The following BRWD1 variants were observed in gnomAD, a reference collection of about 807,000 sequenced individuals.
BRWD1 encodes bromodomain and WD repeat domain containing 1, also known as bromodomain and WD repeat-containing protein 1.
BRWD1 carries 82 observed loss-of-function variants against 251.2 expected under a neutral mutation model. The ratio of observed to expected loss-of-function variants is 0.33; its 90% confidence interval spans 0.27 to 0.39. The LOEUF (loss-of-function observed/expected upper bound fraction) is 0.39, where lower values mean the gene tolerates loss of function less well. BRWD1 is among the 10% of genes least tolerant of loss of function. The pLI is 1.00. For missense variants in BRWD1, 2,233 were observed against 2,711.6 expected, an observed-to-expected ratio of 0.82 and a Z score of 3.92; for synonymous variants, 918 against 902.8, an observed-to-expected ratio of 1.02 and a Z score of -0.30.
chr21:39,239,760 A>G (rs184647708), intron 21 of BRWD1, among the ~76,000 whole-genome samples: 187 of 152,340 alleles, frequency 1.2e-3, no homozygotes, highest in African/African-American at 4.2e-3. Context: ...GAATTTTTTA[A>G]CAAGGGTGTG....
At position 39,192,931 on chromosome 21, in the gene BRWD1, A is replaced by T; in HGVS notation, c.*3328T>A. ...GTAAATTGTTTTCTGATTCTTCTAC[A>T]AAAAAAAAAGTCTAGAAGACAGAGG... On this transcript the variant is annotated 3_prime_UTR_variant, in exon 41 of 41. Coordinates refer to ENST00000342449, the MANE Select transcript of BRWD1 (RefSeq NM_033656.4). 1.9e-5 allele frequency: 5 copies of T among 257,822 alleles called. No individual in the cohort carries two copies. The highest frequency in any genetic ancestry group is 2.2e-5 in the Non-Finnish European group (5 of 224,190). 16.0% of individuals were successfully genotyped at this position (257,822 alleles called of 1,614,324 possible).
intron 37 of BRWD1, among the ~76,000 whole-genome samples, chr21:39,203,800 T>G (rs2032243559): frequency 6.7e-6 from 1 of 150,204 alleles, no homozygotes; most frequent in Non-Finnish European, 1.5e-5. Context: ...AAGCAATAAT[T>G]GTCAAGGCTG....
intron 17 of BRWD1, among the ~76,000 whole-genome samples, chr21:39,259,712 C>G (rs894169213): frequency 5.9e-5 from 9 of 152,130 alleles, no homozygotes; most frequent in African/African-American, 2.2e-4. Flanking sequence ...TGGCGCACGC[C>G]TGTAGTCACA....
At chr21:39,282,055 T>C (rs1003938970) in intron 8 of BRWD1, among the ~76,000 whole-genome samples, 1 of 151,738 alleles carries the variant, frequency 6.6e-6, no homozygotes, top group Non-Finnish European at 1.5e-5. Context: ...CATATGTATA[T>C]ATACACGTAT....
In BRWD1 at chr21:39,187,063, A is replaced by T. The variant is rs768122638; in HGVS notation, c.*9196T>A. On this transcript the variant is annotated 3_prime_UTR_variant, in exon 41 of 41. Transcript: ENST00000342449. ...TTCTTTCCAGGATCTGAACCCCCTT[A>T]AAAAAAGCATTTTTCTATTAATATC... 18 of 1,587,928 alleles carry T rather than the reference A, an allele frequency of 1.1e-5. No homozygotes were observed. The highest frequency in any genetic ancestry group is 2.0e-4 in the Middle Eastern group (1 of 5,054).
At position 39,313,591 on chromosome 21, in the gene BRWD1, G is replaced by GCCA. The variant is rs1262426219; in HGVS notation, c.-101_-100insTGG. On this transcript the variant is annotated 5_prime_UTR_variant, in exon 1 of 41. Coordinates refer to ENST00000342449, the MANE Select transcript of BRWD1 (RefSeq NM_033656.4). Reference sequence around the variant, plus strand: ...TGGCGTCCCCTCTTCTCAGGCGCGCGCCGCCGCCGCCGCCGCCGCCGCCAT... The same window carrying GCCA: ...TGGCGTCCCCTCTTCTCAGGCGCGCGCCACCGCCGCCGCCGCCGCCGCCGCCAT... 2.5e-5 allele frequency: 7 copies of GCCA among 275,296 alleles called. No individual in the cohort carries two copies. The Admixed American group carries it at 5.1e-4, about 20-fold the overall frequency. 17.1% of individuals were successfully genotyped at this position (275,296 alleles called of 1,614,324 possible). A position where few individuals can be genotyped will look rare whatever the true frequency, so the allele number is the denominator to read the frequency against.
chr21:39,268,553 A>G (rs142504369), intron 15 of BRWD1, among the ~76,000 whole-genome samples: 1 of 152,304 alleles, frequency 6.6e-6, no homozygotes, highest in African/African-American at 2.4e-5. Flanking sequence ...TTTCATTTAA[A>G]AAACTATAAC....
chr21:39,307,599 A>C (rs2036330567), intron 4 of BRWD1, among the ~76,000 whole-genome samples: 1 of 152,146 alleles, frequency 6.6e-6, no homozygotes. Flanking sequence ...GACTGGTATT[A>C]CCATTTTAAG....
chr21:39,260,950 G>A (rs1280865883), intron 17 of BRWD1, among the ~76,000 whole-genome samples: 1 of 152,192 alleles, frequency 6.6e-6, no homozygotes, highest in Non-Finnish European at 1.5e-5. Context: ...GCCGGGCATG[G>A]TGGCTCACGC....
intron 4 of BRWD1, among the ~76,000 whole-genome samples, chr21:39,305,324 G>T (rs1307348577): frequency 6.6e-6 from 1 of 152,062 alleles, no homozygotes; most frequent in Non-Finnish European, 1.5e-5. Context: ...AATCCATAAG[G>T]ATACATATGA....
At position 39,261,996 on chromosome 21, in the gene BRWD1, C is replaced by T. The variant is rs148443181; in HGVS notation, c.1885+2464G>A. ...CTGACAAAGATATACCATGACAATCCTAATCCAAAACAAGTTGAATTGGCT... is the reference window on the plus strand; with the variant it reads ...CTGACAAAGATATACCATGACAATCTTAATCCAAAACAAGTTGAATTGGCT... On this transcript the variant is annotated intron_variant, in intron 17 of 40. Transcript: ENST00000342449. 4.6e-3 allele frequency among the ~76,000 whole-genome samples: 704 copies of T among 152,212 alleles called. 10 individuals are homozygous for T. Among genetic ancestry groups the T allele is most frequent in the African/African-American group, 0.016 (685 of 41,532 alleles).
intron 13 of BRWD1, among the ~76,000 whole-genome samples, chr21:39,273,898 G>A (rs908856306): frequency 1.3e-5 from 2 of 152,144 alleles, no homozygotes; most frequent in Non-Finnish European, 2.9e-5. Flanking sequence ...TATTTTTAGA[G>A]AGTCTCGCTC....
At chr21:39,232,132 G>GT (rs1207952868) in intron 25 of BRWD1, 45 bp downstream of exon 25, 1 of 1,349,776 alleles carries the variant, frequency 7.4e-7, no homozygotes, top group African/African-American at 1.5e-5. Flanking sequence ...ATTTAACTAT[G>GT]TATGTGCTAA....
At chr21:39,219,159 G>A (rs1213684646) in intron 29 of BRWD1, among the ~76,000 whole-genome samples, 1 of 152,130 alleles carries the variant, frequency 6.6e-6, no homozygotes, top group African/African-American at 2.4e-5. Flanking sequence ...GGTGGCTGAC[G>A]CCTGTAATCC....
chr21:39,198,033 T>G (rs1257504194), intron 40 of BRWD1, among the ~76,000 whole-genome samples: 2 of 152,148 alleles, frequency 1.3e-5, no homozygotes, highest in Admixed American at 1.3e-4. Context: ...CTGTTTACCA[T>G]AGCACTAGCA....
chr21:39,225,009 C>CTTT, intron 28 of BRWD1, 77 bp downstream of exon 28: 1 of 1,110,254 alleles, frequency 9.0e-7, no homozygotes. Flanking sequence ...TTTTTAAAAA[C>CTTT]CAGAAATGTA....
At chr21:39,272,069 A>G (rs1004320033) in intron 13 of BRWD1, among the ~76,000 whole-genome samples, 2 of 143,026 alleles carry the variant, frequency 1.4e-5, no homozygotes, top group African/African-American at 5.6e-5. Context: ...ATGTAATTAC[A>G]AAAAAAAAAC....
intron 25 of BRWD1, among the ~76,000 whole-genome samples, chr21:39,230,916 G>A (rs972558735): frequency 2.0e-5 from 3 of 151,950 alleles, no homozygotes; most frequent in African/African-American, 7.3e-5. Flanking sequence ...ATGACCAAAA[G>A]GCTCTGAGAG....
At position 39,194,544 on chromosome 21, in the gene BRWD1, G is replaced by C. The variant is rs941893424; in HGVS notation, c.*1715C>G. The C allele has an allele frequency of 6.2e-6, 9 of 1,441,960 alleles. No individual in the cohort carries two copies. Among genetic ancestry groups the C allele is most frequent in the Non-Finnish European group, 8.2e-6 (9 of 1,104,120 alleles). 89.3% of individuals were successfully genotyped at this position (1,441,960 alleles called of 1,614,324 possible). On this transcript the variant is annotated 3_prime_UTR_variant, in exon 41 of 41. Transcript: ENST00000342449. ...TGATAGCTCTCTAAGCCACAAATGA[G>C]AGGAGGTTTCCCACCTATCTCAGTT... is the stretch of plus-strand genomic sequence containing the variant.
Sources: gnomAD v4.1 joint callset for allele counts (sites outside exome capture counted in the v4.1 genomes callset) on GRCh38, gnomAD v4.1.1 for gene constraint, MANE v1.5 for transcripts, NCBI Gene and HGNC (gene_info 2026-07-23, HGNC 2026-07-21) for gene names.